Variants in SYNPR observed in about 807,000 individuals in gnomAD.
SYNPR encodes the protein synaptoporin.
Under a neutral mutation model 32.9 loss-of-function variants are expected in SYNPR, and 23 were observed. That is an observed-to-expected ratio of 0.70 (90% CI 0.50 to 0.99). The LOEUF (loss-of-function observed/expected upper bound fraction) is 0.99, where lower values mean the gene tolerates loss of function less well. Among genes scored for constraint, SYNPR ranks in the 50% least tolerant of loss-of-function variants. The probability of loss-of-function intolerance (pLI) is 0.00; values close to 1 mark genes in which losing one functional copy is unlikely to be tolerated. For missense variants in SYNPR, 318 were observed against 349.3 expected (o/e 0.91, Z 0.71); for synonymous variants, 146 against 135.9 (o/e 1.07, Z -0.52).
chr3:63,265,532 G>A (rs1349647361), intron 2 of SYNPR, among the ~76,000 whole-genome samples: 1 of 152,120 alleles, frequency 6.6e-6, no homozygotes, highest in Non-Finnish European at 1.5e-5. Context: ...GATTACAGGC[G>A]TGAGCCACTG....
chr3:63,397,999 G>A (rs1019008766), intron 2 of SYNPR, among the ~76,000 whole-genome samples: 2 of 152,162 alleles, frequency 1.3e-5, no homozygotes, highest in African/African-American at 2.4e-5. Context: ...TTACTCTTGG[G>A]AATGGACAGA....
chr3:63,481,730 G>A (rs6445350), intron 3 of SYNPR, among the ~76,000 whole-genome samples: 63,593 of 151,672 alleles, frequency 0.42, 13,238 homozygotes, highest in East Asian at 0.49. Flanking sequence ...GGAAGTGGAC[G>A]TGCAAGTGCA....
intron 3 of SYNPR, among the ~76,000 whole-genome samples, chr3:63,537,021 T>G (rs760828932): frequency 2.6e-5 from 4 of 152,214 alleles, no homozygotes; most frequent in Non-Finnish European, 5.9e-5. Flanking sequence ...TTAGATAGTA[T>G]GTAGGTTACT....
At chr3:63,599,725 C>T (rs1482196378) in intron 4 of SYNPR, among the ~76,000 whole-genome samples, 1 of 152,152 alleles carries the variant, frequency 6.6e-6, no homozygotes, top group Non-Finnish European at 1.5e-5. Context: ...GCTCCAAAGC[C>T]TTGGACAACC....
intron 4 of SYNPR, among the ~76,000 whole-genome samples, chr3:63,599,805 A>T (rs1186394633): frequency 2.6e-5 from 4 of 152,314 alleles, no homozygotes; most frequent in South Asian, 4.2e-4. Context: ...TTCTTCTATC[A>T]GTGAGAAGCT....
intron 2 of SYNPR, among the ~76,000 whole-genome samples, chr3:63,288,860 T>C (rs1369458318): frequency 6.6e-6 from 1 of 152,138 alleles, no homozygotes; most frequent in African/African-American, 2.4e-5. Flanking sequence ...AAAAGAGGAA[T>C]TTGTTGATGA....
At chr3:63,535,843 A>G (rs1277177136) in intron 3 of SYNPR, among the ~76,000 whole-genome samples, 1 of 152,110 alleles carries the variant, frequency 6.6e-6, no homozygotes, top group Non-Finnish European at 1.5e-5. Context: ...AGAAGAAAAT[A>G]TAGGAGTAAA....
At chr3:63,379,501 T>C (rs1025959799) in intron 2 of SYNPR, among the ~76,000 whole-genome samples, 1 of 152,186 alleles carries the variant, frequency 6.6e-6, no homozygotes, top group African/African-American at 2.4e-5. Context: ...TTTGTAGCTC[T>C]GTTTTTTGGT....
chr3:63,208,889 C>T, the SYNPR span, among the ~76,000 whole-genome samples: 2 of 152,070 alleles, frequency 1.3e-5, no homozygotes, highest in African/African-American at 2.4e-5. Context: ...ATCTATTTAC[C>T]TTTTACAATG....
chr3:63,253,797 C>A (rs909066599), intron 2 of SYNPR, among the ~76,000 whole-genome samples: 7 of 152,126 alleles, frequency 4.6e-5, no homozygotes, highest in Admixed American at 2.6e-4. Flanking sequence ...TACCATTTGA[C>A]CCAGCCATCT....
At chr3:63,370,109 C>T (rs886330295) in intron 2 of SYNPR, among the ~76,000 whole-genome samples, 6 of 152,112 alleles carry the variant, frequency 3.9e-5, no homozygotes, top group African/African-American at 1.4e-4. Flanking sequence ...TGATAGTGCA[C>T]ATAATCAGCA....
chr3:63,411,475 G>A (rs2088463856), intron 2 of SYNPR, among the ~76,000 whole-genome samples: 1 of 152,134 alleles, frequency 6.6e-6, no homozygotes, highest in Non-Finnish European at 1.5e-5. Context: ...TGGGAAGGCT[G>A]ATCATACCAA....
intron 2 of SYNPR, among the ~76,000 whole-genome samples, chr3:63,353,467 C>T (rs146178943): frequency 2.6e-5 from 4 of 152,314 alleles, no homozygotes; most frequent in African/African-American, 9.6e-5. Context: ...TTAAGCATCA[C>T]ATTCTGGGCT....
intron 4 of SYNPR, among the ~76,000 whole-genome samples, chr3:63,589,641 C>G (rs1016234875): frequency 6.6e-6 from 1 of 151,010 alleles, no homozygotes; most frequent in Non-Finnish European, 1.5e-5. Context: ...GGATGCAAGG[C>G]TGGTTCAATA....
At chr3:63,324,566 T>C (rs999783150) in intron 2 of SYNPR, among the ~76,000 whole-genome samples, 5 of 152,114 alleles carry the variant, frequency 3.3e-5, no homozygotes, top group African/African-American at 1.2e-4. Context: ...AGACGACTTA[T>C]CCAGTGAGAT....
intron 2 of SYNPR, among the ~76,000 whole-genome samples, chr3:63,257,593 A>G (rs187608091): frequency 0.077 from 11,722 of 152,038 alleles, 1,302 homozygotes; most frequent in African/African-American, 0.25. Context: ...AGGAACAACC[A>G]GTAACAGCCA....
In SYNPR at chr3:63,299,489, G is replaced by C. The variant is rs147157762; in HGVS notation, c.84+20747G>C. Among the ~76,000 whole-genome samples the C allele has an allele frequency of 8.0e-3, 1,219 of 152,188 alleles. 22 individuals are homozygous for C. The highest frequency in any genetic ancestry group is 0.028 in the African/African-American group (1,160 of 41,526). ...TCTCAAACCTGATTCTAAGCTCACA[G>C]TTCGAGGGCCCAGTGCTGTTTCTCT... On this transcript the variant is annotated intron_variant, in intron 2 of 5. Transcript: ENST00000478300.
intron 2 of SYNPR, among the ~76,000 whole-genome samples, chr3:63,353,399 T>G (rs1451303): frequency 0.3 from 46,286 of 152,152 alleles, 8,359 homozygotes; most frequent in Non-Finnish European, 0.41. Context: ...GAATGAGTGA[T>G]GCCACAGGCC....
chr3:63,383,016 T>C (rs2087992626), intron 2 of SYNPR, among the ~76,000 whole-genome samples: 2 of 152,356 alleles, frequency 1.3e-5, no homozygotes, highest in Middle Eastern at 6.8e-3. Context: ...TTTAATTCTT[T>C]ACAAGATTAT....
Sources: allele counts gnomAD v4.1 joint callset (sites outside exome capture counted in the v4.1 genomes callset), GRCh38; gene constraint gnomAD v4.1.1; transcripts MANE v1.5; gene names NCBI Gene and HGNC (gene_info 2026-07-23, HGNC 2026-07-21).